Variants in HCN2 observed in about 807,000 individuals in gnomAD.
The protein encoded by HCN2 is potassium/sodium hyperpolarization-activated cyclic nucleotide-gated channel 2.
A neutral mutation model predicts 52.3 loss-of-function variants in HCN2; 20 were observed. The ratio of observed to expected loss-of-function variants is 0.38; its 90% confidence interval spans 0.27 to 0.56. HCN2 has a LOEUF of 0.56. Ranked by LOEUF, HCN2 falls within the 20% of genes least tolerant of loss-of-function variation. The pLI, the probability that HCN2 is intolerant of heterozygous loss-of-function variation, is 0.71. For synonymous variants in HCN2, 694 were observed against 537.0 expected (o/e 1.29, Z -4.04); for missense variants, 981 against 1,207.7 (o/e 0.81, Z 2.78).
chr19:616,574 G>C lies in HCN2; in HGVS notation c.*100G>C. 1 of 720,610 alleles carries C rather than the reference G, an allele frequency of 1.4e-6. No homozygotes were observed. 44.6% of individuals were successfully genotyped at this position (720,610 alleles called of 1,614,324 possible). ...GCTGCCCCGGCCGCCAGTCCGCCCA[G>C]AAGCCATAGACGAGACGTAGGTAGC... On this transcript the variant is annotated 3_prime_UTR_variant, in exon 8 of 8. Transcript: ENST00000251287.
At position 615,980 on chromosome 19, in the gene HCN2, G is replaced by A. The variant is rs1406595309; in HGVS notation, c.2176G>A (p.Ala726Thr). Residue 726 changes from alanine to threonine, a missense_variant, in exon 8 of 8, where the codon GCC becomes ACC. Physicochemically the swap from Ala to Thr is moderately conservative, Grantham distance 58. Around this residue, in one of 6 missense-constraint regions of HCN2, gnomAD observed 368 missense variants for 314.8 expected, o/e 1.17. Coordinates refer to ENST00000251287, the MANE Select transcript of HCN2 (RefSeq NM_001194.4). ...PPPPPPQVTS[A>T]IATLQQAAAM... ...GCCGCCGCCGCCGCAGGTCACCTCG[G>A]CCATCGCCACGCTGCAGCAGGCGGC... 4.4e-6 allele frequency: 7 copies of A among 1,594,372 alleles called. No homozygotes were observed. Among genetic ancestry groups the A allele is most frequent in the Non-Finnish European group, 6.0e-6 (7 of 1,173,736 alleles).
intron 5 of HCN2, among the ~76,000 whole-genome samples, chr19:612,475 G>T (rs956852903): frequency 1.3e-5 from 2 of 151,194 alleles, no homozygotes; most frequent in African/African-American, 2.4e-5. Flanking sequence ...CAGTGCAGTT[G>T]TGTGATCTTG....
intron 1 of HCN2, among the ~76,000 whole-genome samples, chr19:594,633 C>G (rs1263255973): frequency 6.6e-6 from 1 of 152,176 alleles, no homozygotes; most frequent in Non-Finnish European, 1.5e-5. Context: ...GGGTGCAGCT[C>G]TGCAAATCCG....
intron 5 of HCN2, among the ~76,000 whole-genome samples, chr19:611,559 C>T (rs1477469493): frequency 2.0e-5 from 3 of 152,234 alleles, no homozygotes; most frequent in Non-Finnish European, 4.4e-5. Context: ...TCCCAGGAGG[C>T]ACACACTGCG....
At chr19:597,305 T>A (rs759383569) in intron 1 of HCN2, among the ~76,000 whole-genome samples, 3 of 152,122 alleles carry the variant, frequency 2.0e-5, no homozygotes, top group Non-Finnish European at 4.4e-5. Flanking sequence ...AGTCCTGGGG[T>A]CTCATCCTGC....
At chr19:607,880 A>T (rs887906966) in intron 3 of HCN2, 84 bp from the exon 4 acceptor site, 3 of 996,976 alleles carry the variant, frequency 3.0e-6, no homozygotes, top group Non-Finnish European at 4.5e-6. Flanking sequence ...TGCTTGGCAG[A>T]GGGTGGGCGC....
chr19:595,738 C>T (rs961900145), intron 1 of HCN2, among the ~76,000 whole-genome samples: 1 of 152,240 alleles, frequency 6.6e-6, no homozygotes, highest in African/African-American at 2.4e-5. Flanking sequence ...AGATCTCCCC[C>T]ACCCGTAGCA....
chr19:613,784 T>C (rs1983773625), intron 6 of HCN2, 68 bp from the exon 7 acceptor site: 3 of 1,404,066 alleles, frequency 2.1e-6, no homozygotes, highest in Non-Finnish European at 2.8e-6. Context: ...GGCCGGGCCG[T>C]GTGCCTGGGC....
chr19:609,876 G>A (rs1035322040), intron 4 of HCN2, among the ~76,000 whole-genome samples: 15 of 152,188 alleles, frequency 9.9e-5, no homozygotes, highest in African/African-American at 3.6e-4. Flanking sequence ...CTCCAGCGTG[G>A]GCCACAGAGC....
intron 1 of HCN2, among the ~76,000 whole-genome samples, chr19:600,864 A>C (rs931208943): frequency 6.6e-6 from 1 of 152,218 alleles, no homozygotes; most frequent in African/African-American, 2.4e-5. Flanking sequence ...GCTGTTGTAC[A>C]ACCGTCACCA....
intron 5 of HCN2, 50 bp downstream of exon 5, chr19:610,455 C>T (rs1401929773): frequency 1.8e-5 from 28 of 1,552,986 alleles, no homozygotes; most frequent in Non-Finnish European, 2.0e-5. Flanking sequence ...ACAGGGCCGG[C>T]CTCCCTCTCC....
rs1983784612 is a variant in HCN2, at chr19:613,957, A to G, written c.1931A>G (p.Glu644Gly). ...SVDNFNEVLEEYPMMRRAFET... is the reference protein window; with the variant it reads ...SVDNFNEVLEGYPMMRRAFET... ...GACAACTTCAACGAGGTGCTGGAGG[A>G]GTACCCCATGATGCGGCGCGCCTTC... Residue 644 changes from glutamate to glycine, a missense_variant, in exon 7 of 8, where the codon GAG becomes GGG. Coordinates refer to ENST00000251287, the MANE Select transcript of HCN2 (RefSeq NM_001194.4). 2.0e-6 allele frequency: 3 copies of G among 1,490,340 alleles called. No individual in the cohort carries two copies. In the African/African-American group the frequency reaches 5.2e-5, roughly 26 times the overall value. 92.3% of individuals were successfully genotyped at this position (1,490,340 alleles called of 1,614,324 possible). A position where few individuals can be genotyped will look rare whatever the true frequency, so the allele number is the denominator to read the frequency against.
At position 613,312 on chromosome 19, in the gene HCN2, C is replaced by T; in HGVS notation, c.1649C>T (p.Pro550Leu). The T allele has an allele frequency of 6.2e-7, 1 of 1,613,022 alleles. No homozygotes were observed. The highest frequency in any genetic ancestry group is 1.3e-5 in the African/African-American group (1 of 74,986). Residue 550 changes from proline (P) to leucine (L), a missense_variant, in exon 6 of 8, where the codon CCC becomes CTC. Pro to Leu is a moderately conservative substitution (Grantham distance 98). Coordinates refer to ENST00000251287, the MANE Select transcript of HCN2 (RefSeq NM_001194.4). ...ATGCCGCTGTTCGCCAACGCCGACCCCAACTTCGTCACGGCCATGCTGACC... is the reference window on the plus strand; with the variant it reads ...ATGCCGCTGTTCGCCAACGCCGACCTCAACTTCGTCACGGCCATGCTGACC... Reference protein sequence around the residue: ...ASMPLFANADPNFVTAMLTKL... With the variant: ...ASMPLFANADLNFVTAMLTKL...
At chr19:594,668 C>T (rs940405406) in intron 1 of HCN2, among the ~76,000 whole-genome samples, 1 of 152,090 alleles carries the variant, frequency 6.6e-6, no homozygotes, top group East Asian at 1.9e-4. Context: ...AGCATTAGGG[C>T]GTGGGAATAA....
At chr19:613,613 A>C (rs1311558050) in intron 6 of HCN2, 125 bp downstream of exon 6, 33 of 44,422 alleles carry the variant, frequency 7.4e-4, no homozygotes, top group East Asian at 6.5e-3. Context: ...GGGGCCGGGG[A>C]TGGGGATGGG....
intron 1 of HCN2, among the ~76,000 whole-genome samples, chr19:595,954 CG>C (rs1983017916): frequency 6.6e-6 from 1 of 152,200 alleles, no homozygotes; most frequent in Non-Finnish European, 1.5e-5. Flanking sequence ...TGGCTGCCCT[CG>C]CCCGTTCCCC....
rs572356597 is a variant in HCN2, at chr19:591,979, C to A, written c.632+1402C>A. Among the ~76,000 whole-genome samples, 58 of 152,330 alleles carry A rather than the reference C, an allele frequency of 3.8e-4. No individual in the cohort carries two copies. Among genetic ancestry groups the A allele is most frequent in the Middle Eastern group, 3.4e-3 (1 of 294 alleles). On this transcript the variant is annotated intron_variant, in intron 1 of 7. Coordinates refer to ENST00000251287, the MANE Select transcript of HCN2 (RefSeq NM_001194.4). The surrounding 1 kb of genome is among the most constrained non-coding windows in gnomAD (Gnocchi z 4.1). The stretch of plus-strand genomic sequence containing the variant: ...CCAGAAGCCTGGATTTCGAGACAGG[C>A]CAGGGGTGGGAGGAGCCCCGAAATC...
chr19:617,108 C>CCAGAA lies in HCN2; in HGVS notation c.*634_*635insCAGAA. 1.8e-6 allele frequency: 1 copy of CCAGAA among 553,076 alleles called. No homozygotes were observed. The highest frequency in any genetic ancestry group is 3.6e-5 in the East Asian group (1 of 27,696). 34.3% of individuals were successfully genotyped at this position (553,076 alleles called of 1,614,324 possible). ...GCCCCCACCGTGGCCCCCCACGCCC[C>CCAGAA]ATTAACCCCCACACCCCCATTCCGC... On this transcript the variant is annotated 3_prime_UTR_variant, in exon 8 of 8. Transcript: ENST00000251287.
intron 1 of HCN2, among the ~76,000 whole-genome samples, chr19:593,982 C>A (rs1019189020): frequency 3.3e-5 from 5 of 152,204 alleles, no homozygotes; most frequent in Non-Finnish European, 5.9e-5. Flanking sequence ...TTCACCCCAG[C>A]CGCCGCTGAT....
Sources: allele counts gnomAD v4.1 joint callset (sites outside exome capture counted in the v4.1 genomes callset), GRCh38; gene constraint gnomAD v4.1.1; regional missense constraint gnomAD v4.1.1; non-coding constraint Gnocchi (gnomAD v3.1); transcripts MANE v1.5; gene names NCBI Gene and HGNC (gene_info 2026-07-23, HGNC 2026-07-21).